Variants in LPP observed in about 807,000 individuals in gnomAD.
The protein encoded by LPP is lipoma-preferred partner.
Under a neutral mutation model 60.4 loss-of-function variants are expected in LPP, and 38 were observed. That is an observed-to-expected ratio of 0.63 (90% confidence interval 0.49 to 0.83). The LOEUF (loss-of-function observed/expected upper bound fraction) is 0.83. Ranked by LOEUF, LPP falls within the 40% of genes least tolerant of loss-of-function variation. The probability of loss-of-function intolerance (pLI) is 0.00; values close to 1 mark genes in which losing one functional copy is unlikely to be tolerated. For missense variants in LPP, 902 were observed against 783.6 expected, an observed-to-expected ratio of 1.15 and a Z score of -1.80; for synonymous variants, 328 against 290.8, an observed-to-expected ratio of 1.13 and a Z score of -1.30.
intron 2 of LPP, among the ~76,000 whole-genome samples, chr3:188,262,026 C>G (rs1733829111): frequency 6.6e-6 from 1 of 152,162 alleles, no homozygotes; most frequent in Non-Finnish European, 1.5e-5. Context: ...AAACTGTTGC[C>G]TAAGTATTTA....
At chr3:188,438,228 A>G (rs1408437244) in intron 4 of LPP, among the ~76,000 whole-genome samples, 1 of 152,140 alleles carries the variant, frequency 6.6e-6, no homozygotes, top group African/African-American at 2.4e-5. Flanking sequence ...TAGCTGTGTA[A>G]CTGAGGAACT....
chr3:188,316,152 C>T (rs1367665798), intron 2 of LPP, among the ~76,000 whole-genome samples: 2 of 152,122 alleles, frequency 1.3e-5, no homozygotes, highest in Non-Finnish European at 2.9e-5. Context: ...GTGGCAGGCA[C>T]CTGTAATCCC....
chr3:188,184,584 G>A (rs543287958), intron 1 of LPP, among the ~76,000 whole-genome samples: 1 of 152,230 alleles, frequency 6.6e-6, no homozygotes, highest in African/African-American at 2.4e-5. Flanking sequence ...GAGCTGTGTG[G>A]TGGGAAAAGC....
Position 188,887,468 on chromosome 3 carries a change from T to G in LPP, c.*12989T>G. ...TGAGAGTAAAAGAGATTTTTATAAT[T>G]TAAATGCCAACGACAGGAATGGCCT... On this transcript the variant is annotated 3_prime_UTR_variant, in exon 12 of 12. Coordinates refer to ENST00000617246, the MANE Select transcript of LPP (RefSeq NM_001375462.1). 4.6e-6 allele frequency: 1 copy of G among 216,040 alleles called. No individual in the cohort carries two copies. The highest frequency in any genetic ancestry group is 9.3e-6 in the Non-Finnish European group (1 of 107,156). The allele number at this position is 216,040 out of a possible 1,614,324, so 13.4% of individuals were successfully genotyped here.
intron 1 of LPP, among the ~76,000 whole-genome samples, chr3:188,163,787 C>A (rs1198855981): frequency 1.5e-3 from 206 of 137,412 alleles, no homozygotes; most frequent in Non-Finnish European, 1.9e-3. Context: ...ACTAAATATA[C>A]AAAAAAAAAA....
intron 2 of LPP, among the ~76,000 whole-genome samples, chr3:188,331,053 C>T (rs998161376): frequency 1.3e-5 from 2 of 152,094 alleles, no homozygotes; most frequent in East Asian, 1.9e-4. Flanking sequence ...ATATTAGGCT[C>T]GCAAATTGCA....
At chr3:188,480,591 T>G (rs1804494316) in intron 4 of LPP, among the ~76,000 whole-genome samples, 1 of 152,200 alleles carries the variant, frequency 6.6e-6, no homozygotes, top group Non-Finnish European at 1.5e-5. Context: ...AAACTGGACA[T>G]TTCCATTTTA....
intron 6 of LPP, among the ~76,000 whole-genome samples, chr3:188,560,946 A>T (rs1830531382): frequency 6.6e-6 from 1 of 152,050 alleles, no homozygotes; most frequent in Non-Finnish European, 1.5e-5. Context: ...AGATGAAAGG[A>T]TGTTCTCAGG....
At chr3:188,719,836 G>A (rs1715595956) in intron 8 of LPP, among the ~76,000 whole-genome samples, 1 of 152,216 alleles carries the variant, frequency 6.6e-6, no homozygotes, top group Admixed American at 6.5e-5. Flanking sequence ...ATTGTCAGAA[G>A]GCATAATTAA....
rs397946048 is a variant in LPP, at chr3:188,318,418, CA to C, written c.-66-23233del. Among the ~76,000 whole-genome samples the C allele has an allele frequency of 1.9e-3, 248 of 130,006 alleles. 1 individual carries two copies. The highest frequency in any genetic ancestry group is 3.9e-3 in the African/African-American group (144 of 37,038). 85.3% of individuals were successfully genotyped at this position (130,006 alleles called of 152,430 possible). A position where few individuals can be genotyped will look rare whatever the true frequency, so the allele number is the denominator to read the frequency against. Reference sequence around the variant, plus strand: ...TCTAAAACTAGGATTTCCAAAAAAACAAAAAAAAAAAAGAAAAACAAAACTC... The same window carrying C: ...TCTAAAACTAGGATTTCCAAAAAAACAAAAAAAAAAAGAAAAACAAAACTC... On this transcript the variant is annotated intron_variant, in intron 2 of 11. Coordinates refer to ENST00000617246, the MANE Select transcript of LPP (RefSeq NM_001375462.1).
chr3:188,792,054 T>A lies in LPP; in HGVS notation c.1410+31772T>A, dbSNP rs1318344977. On this transcript the variant is annotated intron_variant, in intron 9 of 11. Transcript: ENST00000617246. ...GTCTTCTGAACCCAACCAAGTGCCC[T>A]GTTTTTGCTGCTATACCAGGCTGTC... Among the ~76,000 whole-genome samples, 6 of 152,182 alleles carry A rather than the reference T, an allele frequency of 3.9e-5. No homozygotes were observed. The East Asian group carries it at 1.2e-3, about 29-fold the overall frequency.
chr3:188,736,077 A>G (rs1235105675), intron 8 of LPP, among the ~76,000 whole-genome samples: 2 of 152,230 alleles, frequency 1.3e-5, no homozygotes, highest in Non-Finnish European at 2.9e-5. Context: ...CACTTAAATG[A>G]TACGCACAGT....
At chr3:188,184,253 G>A (rs966178506) in intron 1 of LPP, among the ~76,000 whole-genome samples, 1 of 152,166 alleles carries the variant, frequency 6.6e-6, no homozygotes, top group African/African-American at 2.4e-5. Context: ...TTCCAGCACC[G>A]AGAGTCCTGC....
chr3:188,837,329 A>C (rs968840078), intron 9 of LPP, among the ~76,000 whole-genome samples: 10 of 151,474 alleles, frequency 6.6e-5, no homozygotes, highest in Non-Finnish European at 1.3e-4. Flanking sequence ...CAGTGAGCTG[A>C]GATTGCGCCA....
At chr3:188,750,839 T>C (rs2150316121) in intron 8 of LPP, among the ~76,000 whole-genome samples, 1 of 152,324 alleles carries the variant, frequency 6.6e-6, no homozygotes, top group South Asian at 2.1e-4. Flanking sequence ...ACATGTTATG[T>C]ACATGGATTC....
intron 7 of LPP, among the ~76,000 whole-genome samples, chr3:188,675,230 T>C (rs568061657): frequency 1.3e-5 from 2 of 152,316 alleles, no homozygotes; most frequent in South Asian, 4.1e-4. Context: ...TGAAGCAGTG[T>C]GTCAAGCCAG....
intron 2 of LPP, among the ~76,000 whole-genome samples, chr3:188,274,962 A>G (rs1345365973): frequency 1.3e-5 from 2 of 152,200 alleles, no homozygotes; most frequent in African/African-American, 4.8e-5. Flanking sequence ...CACCATGAAA[A>G]TTGACAGTCA....
chr3:188,523,606 A>G (rs146483424), intron 5 of LPP, among the ~76,000 whole-genome samples: 1 of 152,332 alleles, frequency 6.6e-6, no homozygotes, highest in African/African-American at 2.4e-5. Context: ...TGTTGTTGTT[A>G]CTGAAGATAT....
rs974556407 is a variant in LPP at position 188,486,518 on chromosome 3, G to C, written c.306+1814G>C. 2.6e-5 allele frequency among the ~76,000 whole-genome samples: 4 copies of C among 152,136 alleles called. 1 individual carries two copies. Among genetic ancestry groups the C allele is most frequent in the Admixed American group, 2.6e-4 (4 of 15,264 alleles). On this transcript the variant is annotated intron_variant, in intron 5 of 11. Transcript: ENST00000617246. ...AATATGGCCCCACTGAGAAGGCGAC[G>C]CTTAAATGAGGACTTGAAGAAGGAG... is the stretch of plus-strand genomic sequence containing the variant.
Sources: allele counts gnomAD v4.1 joint callset (sites outside exome capture counted in the v4.1 genomes callset), GRCh38; gene constraint gnomAD v4.1.1; transcripts MANE v1.5; gene names NCBI Gene and HGNC (gene_info 2026-07-23, HGNC 2026-07-21).